The following PCDHGB1 variants were observed in gnomAD, a reference collection of about 807,000 sequenced individuals.
The protein encoded by PCDHGB1 is protocadherin gamma subfamily B, 1.
PCDHGB1 carries 34 observed loss-of-function variants against 56.6 expected under a neutral mutation model. That is an observed-to-expected ratio of 0.60 (90% confidence interval 0.46 to 0.80). The LOEUF (loss-of-function observed/expected upper bound fraction) is 0.80, where lower values mean the gene tolerates loss of function less well. Among genes scored for constraint, PCDHGB1 ranks in the 30% least tolerant of loss-of-function variants. The pLI, the probability that PCDHGB1 is intolerant of heterozygous loss-of-function variation, is 0.00. For missense variants in PCDHGB1, 1,278 were observed against 1,204.6 expected (o/e 1.06, Z -0.90); for synonymous variants, 561 against 505.9 (o/e 1.11, Z -1.46).
chr5:141,374,117 G>C, intron 1 of PCDHGB1: 2 of 1,587,566 alleles, frequency 1.3e-6, no homozygotes, highest in Non-Finnish European at 1.7e-6. Context: ...GCAGCGCAGC[G>C]AGCAGGTCCT....
chr5:141,475,106 G>T (rs1182368610), intron 1 of PCDHGB1, among the ~76,000 whole-genome samples: 6 of 152,220 alleles, frequency 3.9e-5, no homozygotes, highest in Admixed American at 2.0e-4. Context: ...ATCCTAGGTG[G>T]TAAATAGGCC....
chr5:141,472,998 G>GAA (rs2099311030), intron 1 of PCDHGB1, among the ~76,000 whole-genome samples: 1 of 134,744 alleles, frequency 7.4e-6, no homozygotes, highest in Non-Finnish European at 1.6e-5. Flanking sequence ...AAAAAAAAAA[G>GAA]AAAGAAAAAG....
Position 141,376,087 on chromosome 5 carries a change from C to G in PCDHGB1, c.2409+23418C>G, listed in dbSNP as rs1772268954. On this transcript the variant is annotated intron_variant, in intron 1 of 3. Coordinates refer to ENST00000523390, the MANE Select transcript of PCDHGB1 (RefSeq NM_018922.3). The stretch of plus-strand genomic sequence containing the variant: ...TCACCGTGGCCGTGGCCGACAGGAT[C>G]CCCGACATCCTGGCCGACCTGGGCA... 1 of 1,613,538 alleles carries G rather than the reference C, an allele frequency of 6.2e-7. No individual in the cohort carries two copies. The highest frequency in any genetic ancestry group is 8.5e-7 in the Non-Finnish European group (1 of 1,179,934).
At position 141,483,010 on chromosome 5, in the gene PCDHGB1, G is replaced by A. The variant is rs574078222; in HGVS notation, c.2410-11797G>A. Among the ~76,000 whole-genome samples the A allele has an allele frequency of 1.3e-3, 204 of 152,122 alleles. 1 individual carries two copies. Among genetic ancestry groups the A allele is most frequent in the African/African-American group, 4.0e-3 (168 of 41,498 alleles). On this transcript the variant is annotated intron_variant, in intron 1 of 3. Coordinates refer to ENST00000523390, the MANE Select transcript of PCDHGB1 (RefSeq NM_018922.3). Reference sequence around the variant, plus strand: ...CGAGGCAGGAGAATTGCTTGAACCCGGGAGGCAGAGGTTGCAATGAGCTGG... The same window carrying A: ...CGAGGCAGGAGAATTGCTTGAACCCAGGAGGCAGAGGTTGCAATGAGCTGG...
At position 141,511,124 on chromosome 5, in the gene PCDHGB1, C is replaced by G; in HGVS notation, c.2735C>G (p.Ala912Gly). 1.9e-6 allele frequency: 3 copies of G among 1,614,206 alleles called. No individual in the cohort carries two copies. Among genetic ancestry groups the G allele is most frequent in the Non-Finnish European group, 2.5e-6 (3 of 1,180,022 alleles). The change falls in exon 4 of 4, where the codon GCA (alanine) becomes GGA (glycine). Residue 912 changes from alanine to glycine, a missense_variant. Transcript: ENST00000523390. ...AAGKRDGKAP[A>G]GGNGNKKKSG... ...GGCAAGCGGGATGGCAAGGCCCCAG[C>G]AGGTGGCAATGGCAACAAGAAGAAG...
chr5:141,438,037 G>A (rs2097925203), intron 1 of PCDHGB1, among the ~76,000 whole-genome samples: 1 of 151,910 alleles, frequency 6.6e-6, no homozygotes, highest in African/African-American at 2.4e-5. Flanking sequence ...CACCATGCCC[G>A]ACCACTTTGA....
intron 2 of PCDHGB1, among the ~76,000 whole-genome samples, chr5:141,503,075 G>C (rs1373753092): frequency 6.6e-6 from 1 of 151,438 alleles, no homozygotes; most frequent in Non-Finnish European, 1.5e-5. Context: ...GAATGGTCTC[G>C]ATCTCCTGAC....
At chr5:141,410,006 G>A (rs1201569227) in intron 1 of PCDHGB1, 8 of 1,613,156 alleles carry the variant, frequency 5.0e-6, no homozygotes, top group Non-Finnish European at 5.9e-6. Context: ...GGGACACAAC[G>A]CCTGGCTGTC....
chr5:141,487,905 G>C lies in PCDHGB1; in HGVS notation c.2410-6902G>C. The C allele has an allele frequency of 1.5e-6, 1 of 686,388 alleles. No individual in the cohort carries two copies. 42.5% of individuals were successfully genotyped at this position (686,388 alleles called of 1,614,324 possible). On this transcript the variant is annotated intron_variant, in intron 1 of 3. Transcript: ENST00000523390. This position sits in a 1 kb window ranked among gnomAD's most constrained non-coding sequence, Gnocchi z 5.0. ...GTGGAAGCATGATGATGGAATGTGG[G>C]AGCACAGGAGGCTACAGTGCACAGG...
intron 1 of PCDHGB1, among the ~76,000 whole-genome samples, chr5:141,420,624 CTCAA>C (rs1561789527): frequency 1.3e-5 from 2 of 152,278 alleles, no homozygotes; most frequent in Admixed American, 1.3e-4. Context: ...TCTTCATTTA[CTCAA>C]TAAAGGAACC....
Position 141,477,678 on chromosome 5 carries a change from C to T in PCDHGB1, c.2410-17129C>T, listed in dbSNP as rs967769574. ...AATCGTGACAATGGCATAGTGTCAT[C>T]CTTAGTGCCCCTAGACTATGAGGAT... On this transcript the variant is annotated intron_variant, in intron 1 of 3. Coordinates refer to ENST00000523390, the MANE Select transcript of PCDHGB1 (RefSeq NM_018922.3). This position sits in a 1 kb window ranked among gnomAD's most constrained non-coding sequence, Gnocchi z 4.9. 9.9e-6 allele frequency: 16 copies of T among 1,614,182 alleles called. No homozygotes were observed. The highest frequency in any genetic ancestry group is 1.1e-5 in the Non-Finnish European group (13 of 1,180,046).
rs767107885 is a variant in PCDHGB1, at chr5:141,423,138, C to T, written c.2409+70469C>T. ...CAGCGCGGGCACTGCTGGACAGAGA[C>T]GCGCTCAAGCAGAGCCTCGTGGTGG... On this transcript the variant is annotated intron_variant, in intron 1 of 3. Transcript: ENST00000523390. 2.5e-6 allele frequency: 4 copies of T among 1,613,606 alleles called. 1 individual carries two copies. The highest frequency in any genetic ancestry group is 3.4e-6 in the Non-Finnish European group (4 of 1,179,912).
In PCDHGB1 at chr5:141,352,206, C is replaced by A; in HGVS notation, c.1946C>A (p.Pro649Gln). 6.8e-6 allele frequency: 11 copies of A among 1,614,052 alleles called. No individual in the cohort carries two copies. The highest frequency in any genetic ancestry group is 9.3e-6 in the Non-Finnish European group (11 of 1,179,904). ...GCTGTGCGTGATGGAGGACAGCCGC[C>A]ACTCTCCGCCACCGCCACGCTGCAC... is the stretch of plus-strand genomic sequence containing the variant. ...LVAVRDGGQPPLSATATLHLI... is the reference protein window; with the variant it reads ...LVAVRDGGQPQLSATATLHLI... The change falls in exon 1 of 4, where the codon CCA becomes CAA. Residue 649 changes from proline to glutamine, a missense_variant. Physicochemically the swap from Pro to Gln is moderately conservative, Grantham distance 76 (BLOSUM62 -1). Coordinates refer to ENST00000523390, the MANE Select transcript of PCDHGB1 (RefSeq NM_018922.3).
At chr5:141,376,425 A>G in intron 1 of PCDHGB1, 7 of 1,614,182 alleles carry the variant, frequency 4.3e-6, no homozygotes, top group Non-Finnish European at 4.2e-6. Context: ...ACGCTTATCA[A>G]CCAGGAGAGC....
At position 141,431,965 on chromosome 5, in the gene PCDHGB1, T is replaced by G. The variant is rs765281339; in HGVS notation, c.2410-62842T>G. ...TAGAAAAATCTTACGGAAATTACTATAGTTTAGTCACAGACATAGTCTTGG... is the reference window on the plus strand; with the variant it reads ...TAGAAAAATCTTACGGAAATTACTAGAGTTTAGTCACAGACATAGTCTTGG... On this transcript the variant is annotated intron_variant, in intron 1 of 3. Coordinates refer to ENST00000523390, the MANE Select transcript of PCDHGB1 (RefSeq NM_018922.3). This position sits in a 1 kb window ranked among gnomAD's most constrained non-coding sequence, Gnocchi z 4.8. The G allele has an allele frequency of 1.2e-6, 2 of 1,614,216 alleles. No individual in the cohort carries two copies. Among genetic ancestry groups the G allele is most frequent in the East Asian group, 4.5e-5 (2 of 44,892 alleles).
intron 1 of PCDHGB1, chr5:141,441,111 G>A (rs1457975305): frequency 1.3e-5 from 2 of 152,194 alleles, no homozygotes; most frequent in Non-Finnish European, 1.5e-5. Flanking sequence ...TCATTGTCCA[G>A]TGTACAGTTG....
At chr5:141,383,175 G>A in intron 1 of PCDHGB1, 1 of 1,614,114 alleles carries the variant, frequency 6.2e-7, no homozygotes, top group Non-Finnish European at 8.5e-7. Flanking sequence ...GGATAGACCG[G>A]GAAGAGATCT....
At chr5:141,464,611 A>G (rs2099087451) in intron 1 of PCDHGB1, among the ~76,000 whole-genome samples, 3 of 152,194 alleles carry the variant, frequency 2.0e-5, no homozygotes, top group African/African-American at 7.2e-5. Context: ...TTTGCAGAGT[A>G]TATTGTCAAG....
At chr5:141,482,936 G>T (rs2099574800) in intron 1 of PCDHGB1, among the ~76,000 whole-genome samples, 1 of 152,050 alleles carries the variant, frequency 6.6e-6, no homozygotes, top group Admixed American at 6.5e-5. Context: ...AGCCAGGTGT[G>T]GTTGTGGGTG....
Sources: allele counts gnomAD v4.1 joint callset (sites outside exome capture counted in the v4.1 genomes callset), GRCh38; gene constraint gnomAD v4.1.1; non-coding constraint Gnocchi (gnomAD v3.1); transcripts MANE v1.5; gene names NCBI Gene and HGNC (gene_info 2026-07-23, HGNC 2026-07-21).